DNAH14: variants seen among roughly 807,000 people sequenced by gnomAD.
DNAH14 encodes axonemal beta dynein heavy chain 14.
DNAH14 carries 478 observed loss-of-function variants against 520.9 expected under a neutral mutation model. That is an observed-to-expected ratio of 0.92 (90% CI 0.85 to 0.99). The LOEUF is 0.99. Among genes scored for constraint, DNAH14 ranks in the 50% least tolerant of loss-of-function variants. The pLI is 0.00. For synonymous variants in DNAH14, 1,581 were observed against 1,757.2 expected, an observed-to-expected ratio of 0.90 and a Z score of 2.51; for missense variants, 4,831 against 5,234.5, an observed-to-expected ratio of 0.92 and a Z score of 2.38.
At chr1:225,215,240 G>T (rs1457622923) in intron 41 of DNAH14, among the ~76,000 whole-genome samples, 1 of 152,146 alleles carries the variant, frequency 6.6e-6, no homozygotes, top group South Asian at 2.1e-4. Context: ...TTAATCCTGA[G>T]TTGTAATTTG....
intron 44 of DNAH14, among the ~76,000 whole-genome samples, chr1:225,254,741 C>T (rs942712327): frequency 1.3e-5 from 2 of 152,176 alleles, no homozygotes; most frequent in African/African-American, 4.8e-5. Flanking sequence ...TTAACTGTTT[C>T]TATCCCCCAA....
At chr1:225,191,677 A>G (rs1165031385) in intron 37 of DNAH14, among the ~76,000 whole-genome samples, 1 of 151,868 alleles carries the variant, frequency 6.6e-6, no homozygotes, top group African/African-American at 2.4e-5. Flanking sequence ...AATTACCATA[A>G]TGTATAGATT....
In DNAH14 at chr1:224,931,710, T is replaced by C. The variant is rs1329064413; in HGVS notation, c.-34+1875T>C. ...CATATAAGTGAGAACATGATATTTA[T>C]CTTTTTGTGCCTGGCTTATTTCACT... On this transcript the variant is annotated intron_variant, in intron 1 of 85. Transcript: ENST00000682510. 1.3e-5 allele frequency among the ~76,000 whole-genome samples: 2 copies of C among 152,234 alleles called. 1 individual carries two copies. Among genetic ancestry groups the C allele is most frequent in the African/African-American group, 4.8e-5 (2 of 41,462 alleles).
At position 225,302,337 on chromosome 1, in the gene DNAH14, T is replaced by C. The variant is rs570285381; in HGVS notation, c.8632-819T>C. ...GTATGAATTTTGCACTGAGCAGTTT[T>C]ATTTGCCTTTATAAATTTGTTAAAG... On this transcript the variant is annotated intron_variant, in intron 56 of 85. Coordinates refer to ENST00000682510, the MANE Select transcript of DNAH14 (RefSeq NM_001367479.1). 2.2e-3 allele frequency among the ~76,000 whole-genome samples: 335 copies of C among 152,208 alleles called. 2 individuals carry two copies. Among genetic ancestry groups the C allele is most frequent in the African/African-American group, 7.8e-3 (323 of 41,560 alleles).
chr1:225,393,815 T>G (rs76298253), intron 84 of DNAH14, among the ~76,000 whole-genome samples: 75,175 of 135,934 alleles, frequency 0.55, 21,113 homozygotes, highest in East Asian at 0.76. Flanking sequence ...TCTTTTTTTG[T>G]TTTTTTTTTG....
In DNAH14 at chr1:225,346,219, A is replaced by G. The variant is rs1475172483; in HGVS notation, c.10936A>G (p.Ser3646Gly). 2.1e-5 allele frequency: 33 copies of G among 1,551,526 alleles called. No homozygotes were observed. The highest frequency in any genetic ancestry group is 2.5e-5 in the Non-Finnish European group (29 of 1,146,980). The change falls in exon 70 of 86, where the codon AGC becomes GGC. Residue 3646 changes from serine to glycine, a missense_variant. Ser to Gly is a moderately conservative substitution (Grantham distance 56). Coordinates refer to ENST00000682510, the MANE Select transcript of DNAH14 (RefSeq NM_001367479.1). ...TTTTGTTTCATCAGTAGTTTCCAAA[A>G]GCAAAGAACAAGAACATAGTTTTAA... is the stretch of plus-strand genomic sequence containing the variant. ...QVFVSSVVSK[S>G]KEQEHSFKRE...
chr1:225,094,010 G>T (rs981957567), intron 21 of DNAH14, among the ~76,000 whole-genome samples: 4 of 152,140 alleles, frequency 2.6e-5, no homozygotes, highest in African/African-American at 9.7e-5. Context: ...ACCATTCCAT[G>T]CTCATGGATA....
At position 225,103,695 on chromosome 1, in the gene DNAH14, T is replaced by C. The variant is rs1424834505; in HGVS notation, c.3867+2811T>C. Among the ~76,000 whole-genome samples the C allele has an allele frequency of 3.3e-5, 5 of 152,340 alleles. No individual in the cohort carries two copies. In the East Asian group the frequency reaches 9.6e-4, roughly 29 times the overall value. On this transcript the variant is annotated intron_variant, in intron 23 of 85. Transcript: ENST00000682510. Reference sequence around the variant, plus strand: ...CTCATGATATGGCTCTCTGTTTGTCTGTCATTGGTGTATAAGAACGCTTGT... The same window carrying C: ...CTCATGATATGGCTCTCTGTTTGTCCGTCATTGGTGTATAAGAACGCTTGT...
intron 9 of DNAH14, 145 bp from the exon 10 acceptor site, chr1:225,007,268 G>T (rs2064250388): frequency 6.1e-6 from 3 of 488,746 alleles, no homozygotes; most frequent in Non-Finnish European, 9.1e-6. Context: ...GTTTAAATTT[G>T]AAAAACATGT....
chr1:224,930,285 CTT>C lies in DNAH14; in HGVS notation c.-34+453_-34+454del, dbSNP rs200820339. ...AGTGATTTTGTATGTAGAGATATAA[CTT>C]TTCTAAGAAGTTGATGAATTACATT... On this transcript the variant is annotated intron_variant, in intron 1 of 85. Transcript: ENST00000682510. 4.7e-3 allele frequency among the ~76,000 whole-genome samples: 718 copies of C among 152,214 alleles called. 3 individuals are homozygous for C. The highest frequency in any genetic ancestry group is 0.016 in the African/African-American group (674 of 41,544).
At chr1:225,098,111 G>A (rs538690417) in intron 22 of DNAH14, among the ~76,000 whole-genome samples, 17 of 152,130 alleles carry the variant, frequency 1.1e-4, no homozygotes, top group African/African-American at 2.9e-4. Flanking sequence ...GTGAGAGGAC[G>A]GCTTGGATCC....
intron 11 of DNAH14, chr1:225,024,233 G>A (rs2065925849): frequency 3.0e-6 from 3 of 985,880 alleles, no homozygotes; most frequent in Non-Finnish European, 2.4e-6. Context: ...TGTCTTCCAG[G>A]TTCAGAGTTA....
intron 42 of DNAH14, among the ~76,000 whole-genome samples, chr1:225,237,589 G>T (rs999112939): frequency 1.3e-5 from 2 of 152,016 alleles, no homozygotes; most frequent in African/African-American, 4.8e-5. Flanking sequence ...TATGTCTTGG[G>T]GTTGATTTTT....
intron 36 of DNAH14, among the ~76,000 whole-genome samples, chr1:225,179,261 T>G (rs895578489): frequency 2.6e-5 from 4 of 152,234 alleles, no homozygotes; most frequent in Admixed American, 2.0e-4. Flanking sequence ...ATTTTGTTAC[T>G]TATTTTCTGG....
At chr1:225,050,745 G>A (rs545095151) in intron 16 of DNAH14, among the ~76,000 whole-genome samples, 1 of 152,278 alleles carries the variant, frequency 6.6e-6, no homozygotes, top group African/African-American at 2.4e-5. Flanking sequence ...AAATAGTTAC[G>A]TCTTTGGTGA....
At chr1:225,345,082 G>A (rs559736473) in intron 69 of DNAH14, among the ~76,000 whole-genome samples, 43 of 152,248 alleles carry the variant, frequency 2.8e-4, no homozygotes, top group African/African-American at 1.0e-3. Flanking sequence ...GGGAAATGGT[G>A]TGGTAGGGTG....
At chr1:224,984,847 G>A (rs1223077024) in intron 8 of DNAH14, among the ~76,000 whole-genome samples, 1 of 152,040 alleles carries the variant, frequency 6.6e-6, no homozygotes, top group Non-Finnish European at 1.5e-5. Flanking sequence ...TATACAAATG[G>A]CTAACAAACA....
chr1:225,074,125 A>G (rs2071926309), intron 17 of DNAH14, among the ~76,000 whole-genome samples: 1 of 145,592 alleles, frequency 6.9e-6, no homozygotes, highest in Non-Finnish European at 1.5e-5. Flanking sequence ...TCAGCCTCCC[A>G]AGTAGCTGGG....
intron 18 of DNAH14, 83 bp downstream of exon 18, chr1:225,079,631 C>A: frequency 1.1e-6 from 1 of 944,922 alleles, no homozygotes; most frequent in Non-Finnish European, 1.5e-6. Flanking sequence ...TGGGTATTTG[C>A]TTTCAGTGGA....
Sources: gnomAD v4.1 joint callset for allele counts (sites outside exome capture counted in the v4.1 genomes callset) on GRCh38, gnomAD v4.1.1 for gene constraint, MANE v1.5 for transcripts, NCBI Gene and HGNC (gene_info 2026-07-23, HGNC 2026-07-21) for gene names.